PTPN12: variants seen among roughly 807,000 people sequenced by gnomAD.
The protein encoded by PTPN12 is protein tyrosine phosphatase non-receptor type 12.
In PTPN12, 29 loss-of-function variants were observed where a neutral mutation model predicts 97.6. The observed-to-expected ratio is 0.30, with a 90% CI of 0.22 to 0.41. The LOEUF (loss-of-function observed/expected upper bound fraction) is 0.41, where lower values mean the gene tolerates loss of function less well. Ranked by LOEUF, PTPN12 falls within the 10% of genes least tolerant of loss-of-function variation. PTPN12 has a pLI of 1.00. For missense variants in PTPN12, 819 were observed against 926.0 expected (o/e 0.88, Z 1.50); for synonymous variants, 327 against 300.4 (o/e 1.09, Z -0.91).
chr7:77,575,209 C>T (rs948761965), intron 2 of PTPN12, among the ~76,000 whole-genome samples: 8 of 152,016 alleles, frequency 5.3e-5, no homozygotes, highest in Non-Finnish European at 1.0e-4. Context: ...TAATTCATTG[C>T]CCGGGCACAG....
At chr7:77,537,936 T>C in intron 1 of PTPN12, 1 of 653,830 alleles carries the variant, frequency 1.5e-6, no homozygotes, top group Non-Finnish European at 2.0e-6. Flanking sequence ...CGACCACCTA[T>C]TGTTTACCGG....
chr7:77,572,206 T>A (rs1010167570), intron 2 of PTPN12, among the ~76,000 whole-genome samples: 1 of 151,912 alleles, frequency 6.6e-6, no homozygotes. Context: ...GCGACTCTTG[T>A]ACCTTAGCCT....
At chr7:77,635,927 T>C (rs1178245703) in intron 15 of PTPN12, 78 bp downstream of exon 15, 2 of 932,558 alleles carry the variant, frequency 2.1e-6, no homozygotes, top group Middle Eastern at 2.2e-4. Context: ...GTTGTTGAAA[T>C]AGCTGTCATC....
chr7:77,607,414 A>G, intron 9 of PTPN12, 113 bp downstream of exon 9: 1 of 822,032 alleles, frequency 1.2e-6, no homozygotes, highest in Admixed American at 2.6e-5. Flanking sequence ...TATTTTTTCC[A>G]AAGTAGTTTT....
chr7:77,581,737 T>C (rs943271968), intron 3 of PTPN12, among the ~76,000 whole-genome samples: 8 of 152,238 alleles, frequency 5.3e-5, no homozygotes, highest in Non-Finnish European at 7.3e-5. Flanking sequence ...TCTTTTTTAT[T>C]TCTTCTTTCC....
At position 77,627,250 on chromosome 7, in the gene PTPN12, AC is replaced by A; in HGVS notation, c.1573del (p.Arg525AlafsTer10). The A allele has an allele frequency of 6.2e-7, 1 of 1,614,102 alleles. No individual in the cohort carries two copies. Among genetic ancestry groups the A allele is most frequent in the Non-Finnish European group, 8.5e-7 (1 of 1,179,966 alleles). ...AATTCAGACACACCTCCAAGGCCAG[AC>A]CGCTTGCCTCTTGATGAGAAAGGAC... Reference protein sequence around the residue: ...SQNSDTPPRPDRLPLDEKGHV... With the variant: ...SQNSDTPPRPXRLPLDEKGHV... On this transcript the variant is annotated frameshift_variant, in exon 13 of 18. Coordinates refer to ENST00000248594, the MANE Select transcript of PTPN12 (RefSeq NM_002835.4). LOFTEE classifies it high-confidence loss of function.
chr7:77,614,498 A>G (rs1320794615), intron 11 of PTPN12, among the ~76,000 whole-genome samples: 1 of 152,190 alleles, frequency 6.6e-6, no homozygotes, highest in Non-Finnish European at 1.5e-5. Flanking sequence ...TTCGTACCTC[A>G]TTGCATGGTA....
intron 11 of PTPN12, among the ~76,000 whole-genome samples, chr7:77,612,069 T>C (rs576245636): frequency 2.6e-3 from 388 of 150,178 alleles, no homozygotes; most frequent in Non-Finnish European, 4.5e-3. Context: ...TATGAGAAAA[T>C]AAGTTGCAAA....
In PTPN12 at chr7:77,570,971, A is replaced by G. The variant is rs1771285028; in HGVS notation, c.100-107A>G. The G allele has an allele frequency of 9.4e-6, 6 of 639,438 alleles. No individual in the cohort carries two copies. The South Asian group carries it at 1.4e-4, about 15-fold the overall frequency. 39.6% of individuals were successfully genotyped at this position (639,438 alleles called of 1,614,324 possible). A position where few individuals can be genotyped will look rare whatever the true frequency, so the allele number is the denominator to read the frequency against. On this transcript the variant is annotated intron_variant, in intron 1 of 17. Transcript: ENST00000248594. ...TAAGGGATGGGGAAATTAAGAGCTA[A>G]GAGACAGGAAAATGAGTTGTGAGGA...
intron 12 of PTPN12, among the ~76,000 whole-genome samples, chr7:77,625,508 T>TCTCTCTCTCA (rs1789125588): frequency 9.2e-6 from 1 of 108,958 alleles, no homozygotes; most frequent in African/African-American, 3.6e-5. Context: ...TCTCTCTCTC[T>TCTCTCTCTCA]CTCTCTCTCT....
intron 11 of PTPN12, among the ~76,000 whole-genome samples, chr7:77,611,989 T>C (rs1431607003): frequency 2.6e-5 from 4 of 152,092 alleles, no homozygotes; most frequent in African/African-American, 9.7e-5. Flanking sequence ...AGATTTTTTT[T>C]TTTTTTTTGT....
intron 7 of PTPN12, among the ~76,000 whole-genome samples, chr7:77,598,996 C>T (rs569059841): frequency 1.1e-4 from 16 of 150,784 alleles, no homozygotes; most frequent in Non-Finnish European, 2.1e-4. Context: ...TGTTATTTAA[C>T]ATAATTAATG....
In PTPN12 at chr7:77,588,548, A is replaced by G. The variant is rs559352483; in HGVS notation, c.420+2967A>G. Reference sequence around the variant, plus strand: ...GTTTGGAATACTGCAAGAGTTTCCAAAATGTGACACAGACCTGAAGTGAGC... The same window carrying G: ...GTTTGGAATACTGCAAGAGTTTCCAGAATGTGACACAGACCTGAAGTGAGC... On this transcript the variant is annotated intron_variant, in intron 5 of 17. Coordinates refer to ENST00000248594, the MANE Select transcript of PTPN12 (RefSeq NM_002835.4). 3.3e-5 allele frequency among the ~76,000 whole-genome samples: 5 copies of G among 152,364 alleles called. No homozygotes were observed. In the South Asian group the frequency reaches 8.3e-4, roughly 25 times the overall value.
At chr7:77,576,628 C>T (rs1275509309) in intron 2 of PTPN12, among the ~76,000 whole-genome samples, 1 of 152,030 alleles carries the variant, frequency 6.6e-6, no homozygotes, top group African/African-American at 2.4e-5. Context: ...ACCTGGGAGG[C>T]AGAGGTTGCA....
At chr7:77,624,980 C>G (rs1789082507) in intron 12 of PTPN12, among the ~76,000 whole-genome samples, 1 of 151,752 alleles carries the variant, frequency 6.6e-6, no homozygotes, top group Non-Finnish European at 1.5e-5. Context: ...ACTAAAAATA[C>G]AAAAATTAGC....
At chr7:77,549,936 G>A (rs997531212) in intron 1 of PTPN12, among the ~76,000 whole-genome samples, 7 of 152,136 alleles carry the variant, frequency 4.6e-5, no homozygotes, top group Non-Finnish European at 7.4e-5. Context: ...TCATATGTCA[G>A]AAATATATCA....
intron 1 of PTPN12, among the ~76,000 whole-genome samples, chr7:77,569,596 C>T (rs187557293): frequency 1.1e-4 from 16 of 151,972 alleles, no homozygotes; most frequent in South Asian, 6.3e-4. Flanking sequence ...CATAGTGAAA[C>T]GCTGTCTCTA....
intron 2 of PTPN12, among the ~76,000 whole-genome samples, chr7:77,572,093 G>T (rs920346886): frequency 4.2e-5 from 5 of 119,332 alleles, no homozygotes; most frequent in African/African-American, 1.1e-4. Flanking sequence ...TAAAGTTCTT[G>T]GTGACTTTTT....
At chr7:77,573,524 T>C (rs974714186) in intron 2 of PTPN12, among the ~76,000 whole-genome samples, 1 of 152,180 alleles carries the variant, frequency 6.6e-6, no homozygotes, top group African/African-American at 2.4e-5. Flanking sequence ...TACTGTTGCA[T>C]TGGAATTTAT....
Sources: gnomAD v4.1 joint callset for allele counts (sites outside exome capture counted in the v4.1 genomes callset) on GRCh38, gnomAD v4.1.1 for gene constraint, MANE v1.5 for transcripts, NCBI Gene and HGNC (gene_info 2026-07-23, HGNC 2026-07-21) for gene names.